Variants in ABCC9 observed in about 807,000 individuals in gnomAD.
The protein encoded by ABCC9 is ATP-binding cassette sub-family C member 9.
Under a neutral mutation model 188.3 loss-of-function variants are expected in ABCC9, and 95 were observed. The observed-to-expected ratio is 0.50, with a 90% CI of 0.43 to 0.60. ABCC9 has a LOEUF of 0.60. ABCC9 is among the 20% of genes least tolerant of loss of function. The pLI, the probability that ABCC9 is intolerant of heterozygous loss-of-function variation, is 0.00. For missense variants in ABCC9, 1,102 were observed against 1,876.3 expected, an observed-to-expected ratio of 0.59 and a Z score of 7.62; for synonymous variants, 659 against 652.7, an observed-to-expected ratio of 1.01 and a Z score of -0.15.
chr12:21,811,129 G>A (rs1238515581), intron 36 of ABCC9, among the ~76,000 whole-genome samples: 1 of 152,124 alleles, frequency 6.6e-6, no homozygotes, highest in Non-Finnish European at 1.5e-5. Flanking sequence ...TCATGATAGA[G>A]AGTGAGTTTT....
chr12:21,873,496 G>A (rs150455471), intron 17 of ABCC9, among the ~76,000 whole-genome samples: 2,810 of 152,172 alleles, frequency 0.018, 95 homozygotes, highest in African/African-American at 0.064. Context: ...ACTACCCAAA[G>A]CAATCTACAG....
intron 39 of ABCC9, chr12:21,805,284 C>A: frequency 6.2e-7 from 1 of 1,613,946 alleles, no homozygotes; most frequent in Non-Finnish European, 8.5e-7. Context: ...AAAACAAGGC[C>A]TGCATCCATA....
chr12:21,801,678 C>A (rs1040912760), intron 39 of ABCC9, among the ~76,000 whole-genome samples: 2 of 152,132 alleles, frequency 1.3e-5, no homozygotes, highest in African/African-American at 2.4e-5. Flanking sequence ...ATTACCCAGG[C>A]CTTTAGACAT....
chr12:21,907,636 A>G (rs1414278707), intron 11 of ABCC9, among the ~76,000 whole-genome samples: 4 of 152,044 alleles, frequency 2.6e-5, no homozygotes, highest in Admixed American at 2.0e-4. Context: ...AAACATGTCA[A>G]TGTGACTCCA....
At chr12:21,818,478 A>C in intron 31 of ABCC9, among the ~76,000 whole-genome samples, 2 of 146,550 alleles carry the variant, frequency 1.4e-5, no homozygotes, top group Admixed American at 1.4e-4. Context: ...ATCTATATCT[A>C]TATCTATCTA....
intron 2 of ABCC9, among the ~76,000 whole-genome samples, 182 bp from the exon 3 acceptor site, chr12:21,936,876 A>C (rs1408162708): frequency 6.6e-6 from 1 of 152,194 alleles, no homozygotes; most frequent in Non-Finnish European, 1.5e-5. Flanking sequence ...ACGTCCTATG[A>C]GATCTTCTTT....
chr12:21,868,173 A>G (rs1445003443), intron 18 of ABCC9, among the ~76,000 whole-genome samples: 1 of 152,086 alleles, frequency 6.6e-6, no homozygotes, highest in African/African-American at 2.4e-5. Flanking sequence ...AAAGGAAGCA[A>G]TTCCCAAGGA....
At chr12:21,922,233 C>T (rs1948850329) in intron 5 of ABCC9, among the ~76,000 whole-genome samples, 1 of 151,926 alleles carries the variant, frequency 6.6e-6, no homozygotes, top group South Asian at 2.1e-4. Context: ...GTATCTTCTT[C>T]AATTTCATGC....
In ABCC9 at chr12:21,812,054, G is replaced by A; in HGVS notation, c.4206C>T (p.Ser1402=). The A allele has an allele frequency of 1.9e-6, 3 of 1,601,888 alleles. No individual in the cohort carries two copies. Among genetic ancestry groups the A allele is most frequent in the Non-Finnish European group, 1.7e-6 (2 of 1,169,096 alleles). Residue 1402 remains serine, a synonymous_variant, in exon 36 of 40, where the codon TCC becomes TCT. Transcript: ENST00000261200. ...ILQDPILFSG[S]IRFNLDPECK... is the part of the protein sequence containing the mutation. ...TTGCTAAATATGTTACCTACCTAAT[G>A]GAACCACTGAATAGTATTGGATCCT...
At chr12:21,923,693 A>G in intron 5 of ABCC9, 2 of 593,670 alleles carry the variant, frequency 3.4e-6, no homozygotes, top group East Asian at 2.8e-5. Context: ...TGATACAAAC[A>G]TTTTGGGAAA....
chr12:21,926,598 TA>T (rs369029907), intron 4 of ABCC9, among the ~76,000 whole-genome samples: 4 of 151,998 alleles, frequency 2.6e-5, no homozygotes, highest in African/African-American at 9.7e-5. Flanking sequence ...CAATAGCAAA[TA>T]GGAAATTACA....
At chr12:21,861,271 C>T (rs1945495159) in intron 20 of ABCC9, among the ~76,000 whole-genome samples, 1 of 148,974 alleles carries the variant, frequency 6.7e-6, no homozygotes, top group Admixed American at 6.8e-5. Context: ...TACTCTGTCA[C>T]CCAAGCTGGA....
At chr12:21,858,898 A>G (rs1477460707) in intron 22 of ABCC9, among the ~76,000 whole-genome samples, 1 of 152,188 alleles carries the variant, frequency 6.6e-6, no homozygotes, top group African/African-American at 2.4e-5. Flanking sequence ...CTCTGCCAGC[A>G]TCTCCCCATT....
At chr12:21,924,403 T>C (rs1948968236) in intron 5 of ABCC9, 1 of 152,104 alleles carries the variant, frequency 6.6e-6, no homozygotes, top group Non-Finnish European at 1.5e-5. Flanking sequence ...AAGTGGGAAT[T>C]CACATGATTC....
intron 22 of ABCC9, among the ~76,000 whole-genome samples, chr12:21,858,184 C>A (rs1379384861): frequency 1.3e-5 from 2 of 152,018 alleles, no homozygotes; most frequent in African/African-American, 4.8e-5. Context: ...GACCTCAGTC[C>A]CTTTCAGATT....
Position 21,839,626 on chromosome 12 carries a change from A to T in ABCC9, c.3474-1456T>A, listed in dbSNP as rs192247461. Among the ~76,000 whole-genome samples, 17 of 152,352 alleles carry T rather than the reference A, an allele frequency of 1.1e-4. No individual in the cohort carries two copies. The East Asian group carries it at 3.3e-3, about 29-fold the overall frequency. On this transcript the variant is annotated intron_variant, in intron 29 of 39. Coordinates refer to ENST00000261200, the MANE Select transcript of ABCC9 (RefSeq NM_020297.4). The stretch of plus-strand genomic sequence containing the variant: ...ACAGTTATATCACATGTTTCAATGC[A>T]TTCCATTTTTTACTTTTCAGACCTT...
chr12:21,814,599 G>A (rs1942480513), intron 35 of ABCC9, 45 bp downstream of exon 35: 2 of 1,501,710 alleles, frequency 1.3e-6, no homozygotes, highest in Non-Finnish European at 1.9e-6. Context: ...TTTTTTTAAA[G>A]GAAAGCACCA....
At chr12:21,834,310 T>C (rs1238194296) in intron 30 of ABCC9, among the ~76,000 whole-genome samples, 1 of 152,206 alleles carries the variant, frequency 6.6e-6, no homozygotes, top group Admixed American at 6.5e-5. Flanking sequence ...AGTAGGAAGA[T>C]GGGTTCTGCC....
At position 21,797,528 on chromosome 12, in the gene ABCC9, A is replaced by G. The variant is rs917067550; in HGVS notation, c.*3516T>C. On this transcript the variant is annotated 3_prime_UTR_variant, in exon 40 of 40. Coordinates refer to ENST00000261200, the MANE Select transcript of ABCC9 (RefSeq NM_020297.4). ...AGAATAAATAGAATAAACACAACAT[A>G]GAAAAGGAAAGAGAATAACCTATAG... 3 of 152,200 alleles carry G rather than the reference A, an allele frequency of 2.0e-5. No homozygotes were observed. The highest frequency in any genetic ancestry group is 7.2e-5 in the African/African-American group (3 of 41,468). 9.4% of individuals were successfully genotyped at this position (152,200 alleles called of 1,614,324 possible).
Sources: allele counts gnomAD v4.1 joint callset (sites outside exome capture counted in the v4.1 genomes callset), GRCh38; gene constraint gnomAD v4.1.1; transcripts MANE v1.5; gene names NCBI Gene and HGNC (gene_info 2026-07-23, HGNC 2026-07-21).